KIZ: variants seen among roughly 807,000 people sequenced by gnomAD.
KIZ encodes the protein kizuna centrosomal protein, also known as centrosomal protein kizuna.
KIZ carries 68 observed loss-of-function variants against 79.6 expected under a neutral mutation model. The ratio of observed to expected loss-of-function variants is 0.85; its 90% CI spans 0.70 to 1.05. The LOEUF is 1.05. KIZ is among the 50% of genes least tolerant of loss of function. The probability of loss-of-function intolerance (pLI) is 0.00; values close to 1 mark genes in which losing one functional copy is unlikely to be tolerated. For synonymous variants in KIZ, 280 were observed against 281.8 expected (o/e 0.99, Z 0.06); for missense variants, 797 against 800.4 (o/e 1.00, Z 0.05).
intron 3 of KIZ, among the ~76,000 whole-genome samples, chr20:21,140,804 C>T (rs2032474218): frequency 6.6e-6 from 1 of 151,350 alleles, no homozygotes; most frequent in Admixed American, 6.6e-5. Flanking sequence ...CATAGTGAGA[C>T]CCCATCTGTA....
chr20:21,196,975 A>C (rs1308335891), intron 6 of KIZ: 1 of 152,216 alleles, frequency 6.6e-6, no homozygotes, highest in African/African-American at 2.4e-5. Flanking sequence ...GCTATTTACA[A>C]ATTAGTACCT....
intron 11 of KIZ, among the ~76,000 whole-genome samples, chr20:21,236,531 G>A (rs1369963602): frequency 1.3e-5 from 2 of 152,118 alleles, no homozygotes; most frequent in Non-Finnish European, 2.9e-5. Context: ...GAACTGGAAG[G>A]ATACTTCCTG....
intron 11 of KIZ, among the ~76,000 whole-genome samples, chr20:21,233,255 C>T (rs1164286083): frequency 6.6e-6 from 1 of 151,422 alleles, no homozygotes; most frequent in African/African-American, 2.4e-5. Flanking sequence ...TTATTTTCCT[C>T]TTTTTTTTTA....
chr20:21,202,782 A>G (rs987302732), intron 6 of KIZ, among the ~76,000 whole-genome samples: 2 of 152,142 alleles, frequency 1.3e-5, no homozygotes, highest in Non-Finnish European at 2.9e-5. Context: ...TCCTTCCATC[A>G]ATCCTTTATT....
At chr20:21,174,653 A>G (rs1356100082) in intron 6 of KIZ, among the ~76,000 whole-genome samples, 1 of 152,170 alleles carries the variant, frequency 6.6e-6, no homozygotes, top group Non-Finnish European at 1.5e-5. Context: ...AGTACTTGCA[A>G]AGTTGCTTTG....
chr20:21,130,462 A>G (rs2031771019), intron 1 of KIZ, among the ~76,000 whole-genome samples: 1 of 152,150 alleles, frequency 6.6e-6, no homozygotes, highest in South Asian at 2.1e-4. Context: ...TACCCAATTG[A>G]TCATGAAACT....
At chr20:21,217,797 G>A (rs184862261) in intron 9 of KIZ, among the ~76,000 whole-genome samples, 9 of 152,308 alleles carry the variant, frequency 5.9e-5, no homozygotes, top group Non-Finnish European at 1.3e-4. Context: ...CATTATTAGT[G>A]TTCCTGGTCT....
At chr20:21,211,748 G>T (rs2036076302) in intron 7 of KIZ, among the ~76,000 whole-genome samples, 1 of 152,208 alleles carries the variant, frequency 6.6e-6, no homozygotes. Flanking sequence ...TGGAACATCT[G>T]CAAACAGTAC....
intron 10 of KIZ, among the ~76,000 whole-genome samples, chr20:21,231,663 TC>T (rs2123442997): frequency 6.6e-6 from 1 of 152,256 alleles, no homozygotes; most frequent in East Asian, 1.9e-4. Flanking sequence ...CTCATTCTGA[TC>T]CTAAGGACTT....
chr20:21,142,810 T>G (rs1446931678), intron 3 of KIZ, among the ~76,000 whole-genome samples: 1 of 151,264 alleles, frequency 6.6e-6, no homozygotes, highest in Admixed American at 6.6e-5. Context: ...AATAAATAAA[T>G]AAATAAAGTA....
At chr20:21,169,730 C>A (rs944938685) in intron 6 of KIZ, among the ~76,000 whole-genome samples, 1 of 152,212 alleles carries the variant, frequency 6.6e-6, no homozygotes, top group Admixed American at 6.5e-5. Flanking sequence ...TCTACTCACC[C>A]CTCTTCCTTT....
At chr20:21,127,129 T>C (rs2031532729) in intron 1 of KIZ, among the ~76,000 whole-genome samples, 1 of 152,232 alleles carries the variant, frequency 6.6e-6, no homozygotes, top group Admixed American at 6.5e-5. Flanking sequence ...GGAATTACAT[T>C]TATCTTACGC....
chr20:21,141,977 C>G (rs537193615), intron 3 of KIZ, among the ~76,000 whole-genome samples: 1 of 151,560 alleles, frequency 6.6e-6, no homozygotes, highest in Admixed American at 6.6e-5. Flanking sequence ...GTCTCCTATT[C>G]CTGTCTCCTT....
At chr20:21,131,647 C>T (rs1312054948) in intron 1 of KIZ, among the ~76,000 whole-genome samples, 1 of 152,180 alleles carries the variant, frequency 6.6e-6, no homozygotes, top group Non-Finnish European at 1.5e-5. Context: ...GTCTGTCCTT[C>T]TCCCTAGAAT....
chr20:21,147,038 T>C (rs2032883584), intron 4 of KIZ, among the ~76,000 whole-genome samples: 1 of 152,212 alleles, frequency 6.6e-6, no homozygotes, highest in Non-Finnish European at 1.5e-5. Flanking sequence ...ATAATTGATG[T>C]GTTTTAATCT....
chr20:21,217,143 T>TG (rs1161682248), intron 9 of KIZ, among the ~76,000 whole-genome samples: 2 of 152,174 alleles, frequency 1.3e-5, no homozygotes, highest in Non-Finnish European at 2.9e-5. Context: ...AAAAGTACTT[T>TG]GGAAATTTTT....
chr20:21,130,866 A>G (rs1191074029), intron 1 of KIZ, among the ~76,000 whole-genome samples: 5 of 152,242 alleles, frequency 3.3e-5, no homozygotes, highest in African/African-American at 1.2e-4. Context: ...CTGAAGATAT[A>G]TAGAAACTGA....
chr20:21,223,369 T>C (rs2036560513), intron 9 of KIZ, among the ~76,000 whole-genome samples: 1 of 152,162 alleles, frequency 6.6e-6, no homozygotes, highest in South Asian at 2.1e-4. Flanking sequence ...TGATATAAAT[T>C]TCTATTTTCT....
At chr20:21,204,913 G>A (rs2035753310) in intron 6 of KIZ, among the ~76,000 whole-genome samples, 1 of 152,114 alleles carries the variant, frequency 6.6e-6, no homozygotes, top group African/African-American at 2.4e-5. Context: ...ACTACATGTG[G>A]GAGACTGACC....
Sources: allele counts gnomAD v4.1 joint callset (sites outside exome capture counted in the v4.1 genomes callset), GRCh38; gene constraint gnomAD v4.1.1; transcripts MANE v1.5; gene names NCBI Gene and HGNC (gene_info 2026-07-23, HGNC 2026-07-21).